The following TTC33 variants were observed in gnomAD, a reference collection of about 807,000 sequenced individuals.
TTC33 encodes the protein tetratricopeptide repeat domain 33.
Under a neutral mutation model 29.4 loss-of-function variants are expected in TTC33, and 24 were observed. That is an observed-to-expected ratio of 0.82 (90% CI 0.59 to 1.15). The LOEUF (loss-of-function observed/expected upper bound fraction) is 1.15. Among genes scored for constraint, TTC33 ranks in the 50% most tolerant of loss-of-function variants. The probability of loss-of-function intolerance (pLI) is 0.00; values close to 1 mark genes in which losing one functional copy is unlikely to be tolerated. For synonymous variants in TTC33, 107 were observed against 100.3 expected (o/e 1.07, Z -0.40); for missense variants, 286 against 310.4 (o/e 0.92, Z 0.59).
rs1346940375 is a variant in TTC33, at chr5:40,713,117, A to G, written c.*3028T>C. On this transcript the variant is annotated 3_prime_UTR_variant, in exon 5 of 5. Coordinates refer to ENST00000337702, the MANE Select transcript of TTC33 (RefSeq NM_012382.3). ...CTCTAAGGAAGAAAAAAACACATTT[A>G]AGATATCCATTGATTTGAAGATAAT... 6.6e-6 allele frequency among the ~76,000 whole-genome samples: 1 copy of G among 152,174 alleles called. No homozygotes were observed. The highest frequency in any genetic ancestry group is 1.5e-5 in the Non-Finnish European group (1 of 68,012).
At chr5:40,755,548 G>C (rs1397662008) in intron 1 of TTC33, among the ~76,000 whole-genome samples, 1 of 152,222 alleles carries the variant, frequency 6.6e-6, no homozygotes, top group Non-Finnish European at 1.5e-5. Context: ...CGGCCGCGCA[G>C]CTCCGCGAAG....
chr5:40,720,525 T>G (rs1355386582), intron 4 of TTC33, among the ~76,000 whole-genome samples: 3 of 152,170 alleles, frequency 2.0e-5, no homozygotes, highest in African/African-American at 7.2e-5. Context: ...ATTTTCAAAT[T>G]TAAGATAGTT....
At chr5:40,741,343 T>C (rs910789908) in intron 2 of TTC33, among the ~76,000 whole-genome samples, 1 of 152,206 alleles carries the variant, frequency 6.6e-6, no homozygotes, top group African/African-American at 2.4e-5. Context: ...ATATTTCTGG[T>C]GACCATCAAA....
chr5:40,716,108 CA>C lies in TTC33; in HGVS notation c.*36del. The C allele has an allele frequency of 6.6e-7, 1 of 1,505,418 alleles. No homozygotes were observed. Among genetic ancestry groups the C allele is most frequent in the Non-Finnish European group, 8.9e-7 (1 of 1,119,688 alleles). The allele number at this position is 1,505,418 out of a possible 1,614,324, so 93.3% of individuals were successfully genotyped here. A position where few individuals can be genotyped will look rare whatever the true frequency, so the allele number is the denominator to read the frequency against. ...CTATGTCAAAACTTCAAGAGGCAAT[CA>C]AAAAGACAGATTCAAATAATCCTAT... is the stretch of plus-strand genomic sequence containing the variant. On this transcript the variant is annotated 3_prime_UTR_variant, in exon 5 of 5. Coordinates refer to ENST00000337702, the MANE Select transcript of TTC33 (RefSeq NM_012382.3).
At position 40,735,539 on chromosome 5, in the gene TTC33, T is replaced by C. The variant is rs925504240; in HGVS notation, c.222-5196A>G. Among the ~76,000 whole-genome samples, 9 of 152,100 alleles carry C rather than the reference T, an allele frequency of 5.9e-5. 1 individual carries two copies. The South Asian group carries it at 8.3e-4, about 14-fold the overall frequency. ...ACTGGCTAAATCTTTATTGAGTGGATAGGATCCCACGCAATCAAGAGTGAG... is the reference window on the plus strand; with the variant it reads ...ACTGGCTAAATCTTTATTGAGTGGACAGGATCCCACGCAATCAAGAGTGAG... On this transcript the variant is annotated intron_variant, in intron 2 of 4. Coordinates refer to ENST00000337702, the MANE Select transcript of TTC33 (RefSeq NM_012382.3).
rs773260046 is a variant in TTC33 at position 40,746,997 on chromosome 5, TCTTCCA to T, written c.16_21del (p.Trp6_Lys7del). 1.9e-6 allele frequency: 3 copies of T among 1,613,504 alleles called. No individual in the cohort carries two copies. In the South Asian group the frequency reaches 3.3e-5, roughly 18 times the overall value. ...TTTGAGACCTTCTCACCAATTTTCC[TCTTCCA>T]CCCAAAGGAAGCCATTCTGGAAAAT... On this transcript the variant is annotated inframe_deletion, in exon 2 of 5. Coordinates refer to ENST00000337702, the MANE Select transcript of TTC33 (RefSeq NM_012382.3).
At chr5:40,739,889 T>A (rs574806530) in intron 2 of TTC33, among the ~76,000 whole-genome samples, 1 of 152,296 alleles carries the variant, frequency 6.6e-6, no homozygotes, top group Non-Finnish European at 1.5e-5. Context: ...TTTTGCTGAA[T>A]TTTTTTCCTA....
At position 40,716,115 on chromosome 5, in the gene TTC33, A is replaced by C. The variant is rs1561141342; in HGVS notation, c.*30T>G. Reference sequence around the variant, plus strand: ...AAAACTTCAAGAGGCAATCAAAAAGACAGATTCAAATAATCCTATGCATAC... The same window carrying C: ...AAAACTTCAAGAGGCAATCAAAAAGCCAGATTCAAATAATCCTATGCATAC... On this transcript the variant is annotated 3_prime_UTR_variant, in exon 5 of 5. Coordinates refer to ENST00000337702, the MANE Select transcript of TTC33 (RefSeq NM_012382.3). The C allele has an allele frequency of 2.6e-6, 4 of 1,519,190 alleles. No homozygotes were observed. In the East Asian group the frequency reaches 9.1e-5, roughly 35 times the overall value. The allele number at this position is 1,519,190 out of a possible 1,614,324, so 94.1% of individuals were successfully genotyped here.
intron 2 of TTC33, among the ~76,000 whole-genome samples, chr5:40,734,569 T>C (rs1742505174): frequency 1.3e-5 from 2 of 152,216 alleles, no homozygotes; most frequent in South Asian, 2.1e-4. Context: ...TCAAGCTAAA[T>C]AAGTTAGATA....
intron 2 of TTC33, among the ~76,000 whole-genome samples, chr5:40,746,070 GAC>G (rs1462005486): frequency 2.0e-5 from 3 of 152,210 alleles, no homozygotes; most frequent in Non-Finnish European, 4.4e-5. Context: ...ATTAGATACA[GAC>G]ACAGTTTTAT....
At chr5:40,735,231 A>C (rs1742523941) in intron 2 of TTC33, among the ~76,000 whole-genome samples, 1 of 152,254 alleles carries the variant, frequency 6.6e-6, no homozygotes. Context: ...ACAGTGAGAC[A>C]TGAATTATTG....
intron 2 of TTC33, among the ~76,000 whole-genome samples, chr5:40,733,316 T>C (rs1021313135): frequency 3.9e-5 from 6 of 152,160 alleles, no homozygotes; most frequent in Non-Finnish European, 5.9e-5. Flanking sequence ...AAGGTCCATA[T>C]AGTAAACATT....
At chr5:40,730,755 CA>C (rs1156874189) in intron 2 of TTC33, among the ~76,000 whole-genome samples, 2 of 152,070 alleles carry the variant, frequency 1.3e-5, no homozygotes, top group Admixed American at 1.3e-4. Context: ...TTAAGTCCAG[CA>C]ACTTACTAAA....
At chr5:40,738,338 C>G (rs1742599977) in intron 2 of TTC33, among the ~76,000 whole-genome samples, 1 of 151,602 alleles carries the variant, frequency 6.6e-6, no homozygotes, top group African/African-American at 2.4e-5. Flanking sequence ...TTGCTTGAAC[C>G]CGGGAGGTGG....
chr5:40,736,671 A>G (rs754931891), intron 2 of TTC33, among the ~76,000 whole-genome samples: 9 of 152,222 alleles, frequency 5.9e-5, no homozygotes, highest in Non-Finnish European at 1.0e-4. Flanking sequence ...TATCTAAAGT[A>G]CATTCACTTG....
At chr5:40,740,069 A>C (rs1742661268) in intron 2 of TTC33, among the ~76,000 whole-genome samples, 1 of 152,122 alleles carries the variant, frequency 6.6e-6, no homozygotes, top group Admixed American at 6.5e-5. Flanking sequence ...GCCTAATAGC[A>C]ATATAATTCC....
chr5:40,744,761 T>C (rs1742760421), intron 2 of TTC33, among the ~76,000 whole-genome samples: 1 of 152,178 alleles, frequency 6.6e-6, no homozygotes, highest in Non-Finnish European at 1.5e-5. Context: ...GTAATTTTTC[T>C]AATATATTTT....
At chr5:40,724,885 C>T (rs925802687) in intron 4 of TTC33, among the ~76,000 whole-genome samples, 14 of 146,640 alleles carry the variant, frequency 9.5e-5, no homozygotes, top group African/African-American at 3.5e-4. Flanking sequence ...TGGAGTCTCA[C>T]TCTGTCACTC....
intron 3 of TTC33, among the ~76,000 whole-genome samples, chr5:40,729,539 T>C (rs1305523784): frequency 6.6e-6 from 1 of 152,230 alleles, no homozygotes; most frequent in East Asian, 1.9e-4. Flanking sequence ...GACCTTTTGC[T>C]AAGGACTAAG....
Sources: gnomAD v4.1 joint callset for allele counts (sites outside exome capture counted in the v4.1 genomes callset) on GRCh38, gnomAD v4.1.1 for gene constraint, MANE v1.5 for transcripts, NCBI Gene and HGNC (gene_info 2026-07-23, HGNC 2026-07-21) for gene names.